FOXO1: variants seen among roughly 807,000 people sequenced by gnomAD.
The protein encoded by FOXO1 is forkhead box O1.
FOXO1 carries 6 observed loss-of-function variants against 44.1 expected under a neutral mutation model. The observed-to-expected ratio is 0.14, with a 90% confidence interval of 0.07 to 0.27. FOXO1 has a LOEUF of 0.27. Among genes scored for constraint, FOXO1 ranks in the 10% least tolerant of loss-of-function variants. The pLI, the probability that FOXO1 is intolerant of heterozygous loss-of-function variation, is 1.00. For missense variants in FOXO1, 737 were observed against 888.8 expected, an observed-to-expected ratio of 0.83 and a Z score of 2.17; for synonymous variants, 380 against 362.7, an observed-to-expected ratio of 1.05 and a Z score of -0.54.
rs2137817950 is a variant in FOXO1 at position 40,557,573 on chromosome 13, C to T, written c.*1476G>A. 1 of 152,240 alleles carries T rather than the reference C, an allele frequency of 6.6e-6. No individual in the cohort carries two copies. The highest frequency in any genetic ancestry group is 1.9e-4 in the East Asian group (1 of 5,194). 9.4% of individuals were successfully genotyped at this position (152,240 alleles called of 1,614,324 possible). A position where few individuals can be genotyped will look rare whatever the true frequency, so the allele number is the denominator to read the frequency against. On this transcript the variant is annotated 3_prime_UTR_variant, in exon 3 of 3. Coordinates refer to ENST00000379561, the MANE Select transcript of FOXO1 (RefSeq NM_002015.4). Reference sequence around the variant, plus strand: ...CCACTCAAGTCCCATTTTTAAATTCCCTCCTTCCACTTAAACTTCCACAGT... The same window carrying T: ...CCACTCAAGTCCCATTTTTAAATTCTCTCCTTCCACTTAAACTTCCACAGT...
At chr13:40,565,740 G>A (rs17446614) in intron 1 of FOXO1, among the ~76,000 whole-genome samples, 24,039 of 152,086 alleles carry the variant, frequency 0.16, 1,986 homozygotes, top group South Asian at 0.28. Flanking sequence ...GCGTGGAAAG[G>A]CTTACCTTAA....
At chr13:40,603,613 A>G (rs1593396071) in intron 1 of FOXO1, among the ~76,000 whole-genome samples, 1 of 152,128 alleles carries the variant, frequency 6.6e-6, no homozygotes, top group Non-Finnish European at 1.5e-5. Flanking sequence ...GTATATTGTC[A>G]CCACAGATTT....
In FOXO1 at chr13:40,560,073, T is replaced by A; in HGVS notation, c.1418A>T (p.His473Leu). Residue 473 changes from histidine to leucine, a missense_variant, in exon 2 of 3, where the codon CAT becomes CTT. Coordinates refer to ENST00000379561, the MANE Select transcript of FOXO1 (RefSeq NM_002015.4). This position sits in a 1 kb window ranked among gnomAD's most constrained non-coding sequence, Gnocchi z 5.1. ...ATCAACTGGTGTCATAATGTCATTA[T>A]GGGGAGGAGAGTCAGAAGTCAGCAA... ...KELLTSDSPP[H>L]NDIMTPVDPG... 6.2e-7 allele frequency: 1 copy of A among 1,614,170 alleles called. No individual in the cohort carries two copies. Among genetic ancestry groups the A allele is most frequent in the Non-Finnish European group, 8.5e-7 (1 of 1,180,026 alleles).
chr13:40,613,152 T>G (rs1414172319), intron 1 of FOXO1, among the ~76,000 whole-genome samples: 1 of 152,154 alleles, frequency 6.6e-6, no homozygotes, highest in South Asian at 2.1e-4. Context: ...CATCTCTCCA[T>G]CAGGATTATC....
intron 1 of FOXO1, among the ~76,000 whole-genome samples, chr13:40,634,347 G>A (rs1877070922): frequency 1.3e-5 from 2 of 152,260 alleles, no homozygotes; most frequent in African/African-American, 2.4e-5. Flanking sequence ...ACACCTTGCT[G>A]TATAGACAGT....
intron 1 of FOXO1, among the ~76,000 whole-genome samples, chr13:40,568,879 G>C (rs1874373305): frequency 1.3e-5 from 2 of 150,514 alleles, no homozygotes; most frequent in African/African-American, 4.9e-5. Flanking sequence ...CTTGTTTTAT[G>C]TTAGGGAAAC....
At chr13:40,641,422 A>G (rs1008307186) in intron 1 of FOXO1, among the ~76,000 whole-genome samples, 32 of 150,530 alleles carry the variant, frequency 2.1e-4, no homozygotes, top group Admixed American at 2.1e-3. Context: ...TATATATCAT[A>G]TATATATATA....
At chr13:40,606,166 T>C (rs1444127067) in intron 1 of FOXO1, among the ~76,000 whole-genome samples, 2 of 152,154 alleles carry the variant, frequency 1.3e-5, no homozygotes, top group African/African-American at 4.8e-5. Context: ...ACCTATCAAG[T>C]TGACAGTTTT....
At chr13:40,628,759 C>G (rs1258944609) in intron 1 of FOXO1, among the ~76,000 whole-genome samples, 1 of 152,168 alleles carries the variant, frequency 6.6e-6, no homozygotes, top group Admixed American at 6.5e-5. Context: ...CAAAACACTA[C>G]TGGGAATCAT....
intron 1 of FOXO1, among the ~76,000 whole-genome samples, chr13:40,664,790 C>T (rs1301325511): frequency 6.7e-6 from 1 of 150,044 alleles, no homozygotes; most frequent in Admixed American, 6.6e-5. Flanking sequence ...GGGCTTCCTG[C>T]GCCCGGGGCC....
chr13:40,593,577 GTAATACATATTACTTACT>G (rs1349207059), intron 1 of FOXO1, among the ~76,000 whole-genome samples: 1 of 152,016 alleles, frequency 6.6e-6, no homozygotes, highest in Non-Finnish European at 1.5e-5. Context: ...TAAAATGTAA[GTAATACATATTACTTACT>G]TAATACCTAT....
chr13:40,627,909 T>G (rs1364603795), intron 1 of FOXO1, among the ~76,000 whole-genome samples: 4 of 151,900 alleles, frequency 2.6e-5, no homozygotes, highest in African/African-American at 4.8e-5. Context: ...AATAGACTAT[T>G]CTTGTTCTCT....
At chr13:40,564,974 G>A (rs993706343) in intron 1 of FOXO1, among the ~76,000 whole-genome samples, 4 of 152,304 alleles carry the variant, frequency 2.6e-5, no homozygotes, top group South Asian at 2.1e-4. Context: ...TGGTGTAGTC[G>A]GGGAACCCCG....
At chr13:40,593,200 G>GT (rs1262505552) in intron 1 of FOXO1, among the ~76,000 whole-genome samples, 26 of 151,730 alleles carry the variant, frequency 1.7e-4, no homozygotes, top group Admixed American at 1.1e-3. Flanking sequence ...ATTTTTGTTG[G>GT]TTTTTTTTAT....
chr13:40,637,589 T>A (rs2137919323), intron 1 of FOXO1, among the ~76,000 whole-genome samples: 1 of 152,224 alleles, frequency 6.6e-6, no homozygotes, highest in Admixed American at 6.5e-5. Flanking sequence ...AATCTGTACT[T>A]CACCAAAGTA....
At chr13:40,606,242 T>C (rs1875993021) in intron 1 of FOXO1, among the ~76,000 whole-genome samples, 1 of 152,228 alleles carries the variant, frequency 6.6e-6, no homozygotes, top group Non-Finnish European at 1.5e-5. Context: ...CCCAGAGCTA[T>C]ATAGCCTAAA....
chr13:40,601,792 T>C (rs925043541), intron 1 of FOXO1, among the ~76,000 whole-genome samples: 1 of 152,190 alleles, frequency 6.6e-6, no homozygotes, highest in African/African-American at 2.4e-5. Context: ...TAGTACTGTT[T>C]TACCACTAAT....
chr13:40,620,513 G>T, intron 1 of FOXO1: 1 of 492,262 alleles, frequency 2.0e-6, no homozygotes, highest in Non-Finnish European at 3.8e-6. Flanking sequence ...GTACTCTAAG[G>T]GAGGGTTCAA....
At chr13:40,620,033 C>CACT (rs1876556339) in intron 1 of FOXO1, 2 of 831,638 alleles carry the variant, frequency 2.4e-6, no homozygotes, top group Admixed American at 4.2e-5. Flanking sequence ...GAAAGTAGAC[C>CACT]AGTACAGCAA....
Sources: gnomAD v4.1 joint callset for allele counts (sites outside exome capture counted in the v4.1 genomes callset) on GRCh38, gnomAD v4.1.1 for gene constraint, Gnocchi (gnomAD v3.1) non-coding constraint, MANE v1.5 for transcripts, NCBI Gene and HGNC (gene_info 2026-07-23, HGNC 2026-07-21) for gene names.